TBC1D22A: variants seen among roughly 807,000 people sequenced by gnomAD.
TBC1D22A encodes the protein TBC1 domain family member 22A.
A neutral mutation model predicts 60.2 loss-of-function variants in TBC1D22A; 38 were observed. That is an observed-to-expected ratio of 0.63 (90% CI 0.49 to 0.83). TBC1D22A has a LOEUF of 0.83. Among genes scored for constraint, TBC1D22A ranks in the 40% least tolerant of loss-of-function variants. The pLI, the probability that TBC1D22A is intolerant of heterozygous loss-of-function variation, is 0.00. For synonymous variants in TBC1D22A, 302 were observed against 281.7 expected, an observed-to-expected ratio of 1.07 and a Z score of -0.72; for missense variants, 628 against 701.0, an observed-to-expected ratio of 0.90 and a Z score of 1.18.
At chr22:47,040,592 G>A (rs1042712748) in intron 11 of TBC1D22A, among the ~76,000 whole-genome samples, 1 of 152,062 alleles carries the variant, frequency 6.6e-6, no homozygotes, top group African/African-American at 2.4e-5. Flanking sequence ...ACCTGGGGAG[G>A]GTGATCCCAC....
chr22:46,947,633 G>C (rs1484093006), intron 8 of TBC1D22A, among the ~76,000 whole-genome samples: 1 of 152,154 alleles, frequency 6.6e-6, no homozygotes, highest in Non-Finnish European at 1.5e-5. Flanking sequence ...TGTGTTGCAC[G>C]TCCTAGTTTC....
chr22:46,810,701 A>G (rs1377165061), intron 4 of TBC1D22A, among the ~76,000 whole-genome samples: 2 of 152,220 alleles, frequency 1.3e-5, no homozygotes, highest in East Asian at 3.8e-4. Flanking sequence ...ATGCAAAAGA[A>G]TAGGCAGATA....
chr22:47,105,874 G>A (rs1174524856), intron 11 of TBC1D22A, among the ~76,000 whole-genome samples: 1 of 151,866 alleles, frequency 6.6e-6, no homozygotes, highest in Non-Finnish European at 1.5e-5. Context: ...GCAAGAATCA[G>A]CAGTGAAAAC....
intron 4 of TBC1D22A, among the ~76,000 whole-genome samples, chr22:46,840,618 A>C (rs1252744087): frequency 6.6e-6 from 1 of 152,124 alleles, no homozygotes; most frequent in East Asian, 1.9e-4. Flanking sequence ...CTGTAGTCCC[A>C]GCTACTTGGG....
chr22:46,906,645 A>G (rs1156265295), intron 7 of TBC1D22A, among the ~76,000 whole-genome samples: 3 of 152,194 alleles, frequency 2.0e-5, no homozygotes, highest in Non-Finnish European at 4.4e-5. Flanking sequence ...GAGAAAAGAA[A>G]CAGCTCTCCA....
intron 12 of TBC1D22A, among the ~76,000 whole-genome samples, chr22:47,154,348 G>C (rs1313628531): frequency 6.6e-6 from 1 of 152,218 alleles, no homozygotes; most frequent in Non-Finnish European, 1.5e-5. Flanking sequence ...GCTCTGTGTC[G>C]TGACGTTTGG....
intron 11 of TBC1D22A, among the ~76,000 whole-genome samples, chr22:47,076,916 G>A (rs996501234): frequency 1.3e-5 from 2 of 152,158 alleles, no homozygotes; most frequent in Non-Finnish European, 2.9e-5. Flanking sequence ...GTCCATAAGG[G>A]CAGCTTGAGT....
At chr22:47,156,231 G>A (rs1198427567) in intron 12 of TBC1D22A, among the ~76,000 whole-genome samples, 1 of 152,206 alleles carries the variant, frequency 6.6e-6, no homozygotes, top group Non-Finnish European at 1.5e-5. Context: ...TCAGGGGCTG[G>A]ACTATCTGAC....
At chr22:46,841,634 A>C (rs1409515103) in intron 4 of TBC1D22A, among the ~76,000 whole-genome samples, 1 of 152,224 alleles carries the variant, frequency 6.6e-6, no homozygotes, top group African/African-American at 2.4e-5. Flanking sequence ...GAATCCAAAA[A>C]AATTGCCTTC....
chr22:46,856,532 G>A (rs2087577729), intron 4 of TBC1D22A, among the ~76,000 whole-genome samples: 2 of 152,192 alleles, frequency 1.3e-5, no homozygotes, highest in South Asian at 4.1e-4. Context: ...TTAATTAAAT[G>A]CCATGCAACA....
rs536633868 is a variant in TBC1D22A at position 46,829,895 on chromosome 22, C to T, written c.637+32275C>T. Reference sequence around the variant, plus strand: ...GTTGATATTTCTAAACAATGGAGGTCGTAAAGAAAAAAATCCCAAGACACC... The same window carrying T: ...GTTGATATTTCTAAACAATGGAGGTTGTAAAGAAAAAAATCCCAAGACACC... On this transcript the variant is annotated intron_variant, in intron 4 of 12. Coordinates refer to ENST00000337137, the MANE Select transcript of TBC1D22A (RefSeq NM_014346.5). Among the ~76,000 whole-genome samples, 230 of 152,110 alleles carry T rather than the reference C, an allele frequency of 1.5e-3. 1 individual carries two copies. Among genetic ancestry groups the T allele is most frequent in the Non-Finnish European group, 2.5e-3 (171 of 67,998 alleles).
At chr22:46,786,268 AT>A (rs1387846065) in intron 1 of TBC1D22A, among the ~76,000 whole-genome samples, 1 of 152,212 alleles carries the variant, frequency 6.6e-6, no homozygotes, top group African/African-American at 2.4e-5. Context: ...TATTTAGATG[AT>A]CATGTGGTTT....
intron 11 of TBC1D22A, among the ~76,000 whole-genome samples, chr22:47,070,637 G>A (rs1173279406): frequency 2.2e-5 from 3 of 138,624 alleles, no homozygotes; most frequent in East Asian, 2.1e-4. Context: ...GCTGGAGCGG[G>A]GCTGACCTGA....
chr22:47,013,668 G>A (rs1465978827), intron 10 of TBC1D22A, among the ~76,000 whole-genome samples: 3 of 152,156 alleles, frequency 2.0e-5, no homozygotes, highest in Non-Finnish European at 4.4e-5. Flanking sequence ...GATGAGGACA[G>A]TTTATTTTGA....
chr22:46,822,352 T>C (rs1382676743), intron 4 of TBC1D22A, among the ~76,000 whole-genome samples: 1 of 152,172 alleles, frequency 6.6e-6, no homozygotes, highest in Non-Finnish European at 1.5e-5. Context: ...ATTTTTTCGT[T>C]GATTCTTTCT....
At chr22:46,833,491 A>G (rs1191373948) in intron 4 of TBC1D22A, among the ~76,000 whole-genome samples, 2 of 152,158 alleles carry the variant, frequency 1.3e-5, no homozygotes, top group African/African-American at 2.4e-5. Flanking sequence ...ACATTCTTCT[A>G]CTGGGCTCAA....
intron 4 of TBC1D22A, among the ~76,000 whole-genome samples, chr22:46,818,708 G>T (rs187477228): frequency 2.0e-4 from 30 of 152,298 alleles, no homozygotes; most frequent in Non-Finnish European, 3.4e-4. Flanking sequence ...TGCTAGGATT[G>T]TCTTGGCTAT....
chr22:46,977,021 C>T (rs747819449), intron 9 of TBC1D22A, among the ~76,000 whole-genome samples: 10 of 152,140 alleles, frequency 6.6e-5, no homozygotes, highest in Non-Finnish European at 1.2e-4. Context: ...TGCTTCTTGG[C>T]GTGGGCATTC....
chr22:46,789,395 G>T, intron 1 of TBC1D22A: 1 of 458,354 alleles, frequency 2.2e-6, no homozygotes, highest in Non-Finnish European at 4.5e-6. Context: ...GATAAGACTG[G>T]GTTTCTGTGC....
Sources: allele counts gnomAD v4.1 joint callset (sites outside exome capture counted in the v4.1 genomes callset), GRCh38; gene constraint gnomAD v4.1.1; transcripts MANE v1.5; gene names NCBI Gene and HGNC (gene_info 2026-07-23, HGNC 2026-07-21).